The following NALF1 variants were observed in gnomAD, a reference collection of about 807,000 sequenced individuals.
NALF1 encodes the protein family with sequence similarity 155 member A.
In NALF1, 3 loss-of-function variants were observed where a neutral mutation model predicts 48.4. The ratio of observed to expected loss-of-function variants is 0.06; its 90% CI spans 0.03 to 0.16. NALF1 has a LOEUF of 0.16. Among genes scored for constraint, NALF1 ranks in the 10% least tolerant of loss-of-function variants. NALF1 has a pLI of 1.00. For missense variants in NALF1, 526 were observed against 571.5 expected, an observed-to-expected ratio of 0.92 and a Z score of 0.81; for synonymous variants, 262 against 245.7, an observed-to-expected ratio of 1.07 and a Z score of -0.62.
chr13:107,576,450 A>C (rs1878152172), intron 1 of NALF1, among the ~76,000 whole-genome samples: 1 of 152,218 alleles, frequency 6.6e-6, no homozygotes, highest in African/African-American at 2.4e-5. Context: ...GGAACTCTAA[A>C]GGGTGAGGGT....
intron 1 of NALF1, among the ~76,000 whole-genome samples, chr13:107,756,788 A>G (rs1276175462): frequency 6.6e-6 from 1 of 152,106 alleles, no homozygotes; most frequent in Non-Finnish European, 1.5e-5. Flanking sequence ...ACCAGGACCT[A>G]CGCTCTCCCT....
At position 107,831,132 on chromosome 13, in the gene NALF1, A is replaced by G. The variant is rs752931736; in HGVS notation, c.915+34550T>C. ...AAATCGCAATGCTGACACTTTTCCT[A>G]CTCTGAATAAGAAATTTTCATTATC... On this transcript the variant is annotated intron_variant, in intron 1 of 2. Coordinates refer to ENST00000375915, the MANE Select transcript of NALF1 (RefSeq NM_001080396.3). Among the ~76,000 whole-genome samples the G allele has an allele frequency of 9.9e-4, 151 of 152,290 alleles. 3 individuals are homozygous for G. The highest frequency in any genetic ancestry group is 2.1e-4 in the Non-Finnish European group (14 of 68,022).
intron 1 of NALF1, among the ~76,000 whole-genome samples, chr13:107,715,292 TC>T (rs1875718523): frequency 1.3e-5 from 2 of 151,836 alleles, no homozygotes; most frequent in African/African-American, 4.8e-5. Flanking sequence ...AACCTCCGCC[TC>T]CCGGGTTGAA....
At chr13:107,743,543 T>C (rs771727040) in intron 1 of NALF1, among the ~76,000 whole-genome samples, 5 of 152,214 alleles carry the variant, frequency 3.3e-5, no homozygotes, top group Non-Finnish European at 5.9e-5. Flanking sequence ...TTAGAGATGA[T>C]ATTTAAAGAA....
At chr13:107,441,154 C>A (rs1035458375) in intron 1 of NALF1, among the ~76,000 whole-genome samples, 2 of 152,154 alleles carry the variant, frequency 1.3e-5, no homozygotes, top group African/African-American at 4.8e-5. Flanking sequence ...CTATCTCTTG[C>A]CCCCAACACC....
chr13:107,640,607 T>C (rs888136958), intron 1 of NALF1, among the ~76,000 whole-genome samples: 11 of 152,174 alleles, frequency 7.2e-5, no homozygotes, highest in African/African-American at 2.2e-4. Flanking sequence ...CTTTCATCCA[T>C]CACTCCATGG....
intron 1 of NALF1, among the ~76,000 whole-genome samples, chr13:107,489,855 A>G (rs1045222658): frequency 2.0e-5 from 3 of 152,242 alleles, no homozygotes; most frequent in Non-Finnish European, 2.9e-5. Flanking sequence ...ACAAAGGTCT[A>G]ATATCCAGCA....
chr13:107,366,075 G>A (rs1217416219), intron 1 of NALF1, among the ~76,000 whole-genome samples: 2 of 152,164 alleles, frequency 1.3e-5, no homozygotes, highest in African/African-American at 2.4e-5. Context: ...ACTCATACAG[G>A]TGATGACAAA....
intron 1 of NALF1, among the ~76,000 whole-genome samples, chr13:107,336,938 A>G (rs1267608527): frequency 6.6e-6 from 1 of 151,958 alleles, no homozygotes; most frequent in Non-Finnish European, 1.5e-5. Flanking sequence ...AATGAAAAGA[A>G]AAGCCCCCCC....
In NALF1 at chr13:107,372,380, G is replaced by C. The variant is rs1003257819; in HGVS notation, c.916-161625C>G. On this transcript the variant is annotated intron_variant, in intron 1 of 2. Coordinates refer to ENST00000375915, the MANE Select transcript of NALF1 (RefSeq NM_001080396.3). ...CTTCTATGGGACAAATGACATGCCAGCCATGAATATTGCAGGCACAGAGAA... is the reference window on the plus strand; with the variant it reads ...CTTCTATGGGACAAATGACATGCCACCCATGAATATTGCAGGCACAGAGAA... Among the ~76,000 whole-genome samples, 25 of 152,332 alleles carry C rather than the reference G, an allele frequency of 1.6e-4. No homozygotes were observed. The East Asian group carries it at 4.8e-3, about 29-fold the overall frequency.
chr13:107,679,052 T>C (rs1020061603), intron 1 of NALF1, among the ~76,000 whole-genome samples: 37 of 152,342 alleles, frequency 2.4e-4, no homozygotes, highest in African/African-American at 8.2e-4. Flanking sequence ...TAAAGGATTG[T>C]CAGCTGTACT....
intron 1 of NALF1, among the ~76,000 whole-genome samples, chr13:107,630,401 C>G (rs371725232): frequency 6.9e-4 from 105 of 152,220 alleles, no homozygotes; most frequent in African/African-American, 2.4e-3. Context: ...GCATCCCCAC[C>G]TGACTGGGAA....
intron 1 of NALF1, among the ~76,000 whole-genome samples, chr13:107,235,871 G>C (rs1386881481): frequency 2.6e-5 from 4 of 152,174 alleles, no homozygotes; most frequent in Non-Finnish European, 5.9e-5. Flanking sequence ...TTAGTGTTTA[G>C]TGTGGGTTTA....
intron 1 of NALF1, among the ~76,000 whole-genome samples, chr13:107,822,714 T>C (rs1013867205): frequency 2.6e-5 from 4 of 152,224 alleles, no homozygotes; most frequent in East Asian, 1.9e-4. Flanking sequence ...ACTAACGTGA[T>C]TGAAAATCCT....
chr13:107,820,438 A>T (rs1226048610), intron 1 of NALF1, among the ~76,000 whole-genome samples: 2 of 152,146 alleles, frequency 1.3e-5, no homozygotes, highest in African/African-American at 4.8e-5. Context: ...AAGTACCCCA[A>T]ACTCTTTTTG....
intron 1 of NALF1, among the ~76,000 whole-genome samples, chr13:107,823,515 T>C (rs1879418613): frequency 6.6e-6 from 1 of 152,144 alleles, no homozygotes; most frequent in Non-Finnish European, 1.5e-5. Context: ...TGCGTACCCC[T>C]CCAGGCTCAC....
rs901575842 is a variant in NALF1, at chr13:107,402,611, G to A, written c.916-191856C>T. Among the ~76,000 whole-genome samples the A allele has an allele frequency of 2.6e-5, 4 of 152,236 alleles. No individual in the cohort carries two copies. The East Asian group carries it at 7.7e-4, about 29-fold the overall frequency. On this transcript the variant is annotated intron_variant, in intron 1 of 2. Transcript: ENST00000375915. The stretch of plus-strand genomic sequence containing the variant: ...ATGTTGTCACATGGTTTTAACTTAT[G>A]TGTATGTTAGCTGGAGGTATTCTGC...
chr13:107,741,806 A>T (rs1297105782), intron 1 of NALF1, among the ~76,000 whole-genome samples: 1 of 152,176 alleles, frequency 6.6e-6, no homozygotes, highest in Non-Finnish European at 1.5e-5. Flanking sequence ...TTAAAGCCAA[A>T]AGTAACCCAA....
intron 1 of NALF1, among the ~76,000 whole-genome samples, chr13:107,528,121 T>C (rs1163314138): frequency 6.6e-6 from 1 of 152,080 alleles, no homozygotes; most frequent in Non-Finnish European, 1.5e-5. Flanking sequence ...AATTATTTGG[T>C]AAAGATAACT....
Sources: gnomAD v4.1 joint callset for allele counts (sites outside exome capture counted in the v4.1 genomes callset) on GRCh38, gnomAD v4.1.1 for gene constraint, MANE v1.5 for transcripts, NCBI Gene and HGNC (gene_info 2026-07-23, HGNC 2026-07-21) for gene names.